Variants in ARNT2 observed in about 807,000 individuals in gnomAD.
ARNT2 encodes aryl hydrocarbon receptor nuclear translocator 2.
Under a neutral mutation model 91.7 loss-of-function variants are expected in ARNT2, and 36 were observed. The ratio of observed to expected loss-of-function variants is 0.39; its 90% confidence interval spans 0.30 to 0.52. ARNT2 has a LOEUF of 0.52. ARNT2 is among the 20% of genes least tolerant of loss of function. ARNT2 has a pLI of 0.72. For missense variants in ARNT2, 775 were observed against 939.3 expected (o/e 0.83, Z 2.29); for synonymous variants, 365 against 347.1 (o/e 1.05, Z -0.57).
At chr15:80,539,263 G>C (rs1047559812) in intron 8 of ARNT2, among the ~76,000 whole-genome samples, 1 of 152,020 alleles carries the variant, frequency 6.6e-6, no homozygotes, top group Non-Finnish European at 1.5e-5. Flanking sequence ...TAAATACAAT[G>C]CTAGCAAATC....
chr15:80,470,556 C>T (rs951111569), intron 4 of ARNT2, 125 bp downstream of exon 4: 24 of 1,082,232 alleles, frequency 2.2e-5, no homozygotes, highest in Middle Eastern at 3.1e-4. Flanking sequence ...TGTTTTGTTT[C>T]CATTTTTCTC....
At chr15:80,426,359 C>T (rs894324646) in intron 1 of ARNT2, among the ~76,000 whole-genome samples, 1 of 152,216 alleles carries the variant, frequency 6.6e-6, no homozygotes, top group African/African-American at 2.4e-5. Flanking sequence ...ACACCATGGT[C>T]CTGTTGGTCC....
At chr15:80,465,705 C>T (rs1896642965) in intron 3 of ARNT2, among the ~76,000 whole-genome samples, 3 of 152,198 alleles carry the variant, frequency 2.0e-5, no homozygotes, top group Non-Finnish European at 2.9e-5. Context: ...CACACCTGAT[C>T]ACCCTGACAT....
chr15:80,529,591 G>A (rs1897702685), intron 8 of ARNT2, among the ~76,000 whole-genome samples: 1 of 150,934 alleles, frequency 6.6e-6, no homozygotes, highest in Non-Finnish European at 1.5e-5. Context: ...AGTGAATGTA[G>A]TATAGGTCAG....
At chr15:80,417,716 G>A (rs1018115787) in intron 1 of ARNT2, among the ~76,000 whole-genome samples, 2 of 151,672 alleles carry the variant, frequency 1.3e-5, no homozygotes, top group Admixed American at 6.6e-5. Flanking sequence ...AGGTGGAAAT[G>A]TTTGGTCTAC....
At chr15:80,565,672 G>T (rs1404218933) in intron 12 of ARNT2, among the ~76,000 whole-genome samples, 3 of 151,484 alleles carry the variant, frequency 2.0e-5, no homozygotes, top group Non-Finnish European at 4.4e-5. Flanking sequence ...GGCTGTTTCT[G>T]TGTCTTCTTT....
intron 18 of ARNT2, 130 bp from the exon 19 acceptor site, chr15:80,593,470 G>A (rs910341642): frequency 1.5e-6 from 1 of 669,510 alleles, no homozygotes; most frequent in Non-Finnish European, 2.5e-6. Flanking sequence ...GCAGAAGGCT[G>A]GGGAGGACCT....
intron 5 of ARNT2, among the ~76,000 whole-genome samples, chr15:80,491,951 G>A (rs1431228792): frequency 6.6e-6 from 1 of 151,008 alleles, no homozygotes; most frequent in Non-Finnish European, 1.5e-5. Context: ...CTACTGAATT[G>A]CCTTTGCACA....
rs1893366360 is a variant in ARNT2, at chr15:80,595,817, T to G, written c.*2119T>G. On this transcript the variant is annotated 3_prime_UTR_variant, in exon 19 of 19. Coordinates refer to ENST00000303329, the MANE Select transcript of ARNT2 (RefSeq NM_014862.4). ...AGAATGGGCCTTTCTCTGCCTGCCC[T>G]GCCCTTGGGGCCACCTCTGCCTCCA... 6.6e-6 allele frequency: 1 copy of G among 152,232 alleles called. No individual in the cohort carries two copies. The highest frequency in any genetic ancestry group is 2.1e-4 in the South Asian group (1 of 4,836). 9.4% of individuals were successfully genotyped at this position (152,232 alleles called of 1,614,324 possible). A position where few individuals can be genotyped will look rare whatever the true frequency, so the allele number is the denominator to read the frequency against.
chr15:80,421,386 G>A, intron 1 of ARNT2, among the ~76,000 whole-genome samples: 1 of 105,870 alleles, frequency 9.4e-6, no homozygotes, highest in South Asian at 3.9e-4. Context: ...TACCCCTAAA[G>A]CTATTGAAAT....
rs141280333 is a variant in ARNT2, at chr15:80,493,353, G to C, written c.623-14803G>C. On this transcript the variant is annotated intron_variant, in intron 5 of 18. Coordinates refer to ENST00000303329, the MANE Select transcript of ARNT2 (RefSeq NM_014862.4). ...CACATTCAAACCACAGCAAGTGGCG[G>C]GGGGTGGGGGTGGGGGATTTGTTCT... is the stretch of plus-strand genomic sequence containing the variant. 1.6e-3 allele frequency among the ~76,000 whole-genome samples: 250 copies of C among 152,030 alleles called. 1 individual carries two copies. Among genetic ancestry groups the C allele is most frequent in the African/African-American group, 5.8e-3 (242 of 41,438 alleles).
chr15:80,514,155 A>AT lies in ARNT2; in HGVS notation c.792-161dup, dbSNP rs368158168. 5.5e-3 allele frequency among the ~76,000 whole-genome samples: 830 copies of AT among 152,276 alleles called. 9 individuals are homozygous for AT. The highest frequency in any genetic ancestry group is 0.019 in the African/African-American group (804 of 41,560). On this transcript the variant is annotated intron_variant, in intron 7 of 18. Transcript: ENST00000303329. Reference sequence around the variant, plus strand: ...GGGAGTTGGGTGGAATTTATTTTTGATTTTCAGACCATGTGGGAGGAAGGA... The same window carrying AT: ...GGGAGTTGGGTGGAATTTATTTTTGATTTTTCAGACCATGTGGGAGGAAGGA...
intron 5 of ARNT2, among the ~76,000 whole-genome samples, chr15:80,502,094 C>T (rs757351590): frequency 7.2e-5 from 11 of 152,198 alleles, no homozygotes; most frequent in Non-Finnish European, 4.4e-5. Flanking sequence ...CAGGGAAGCT[C>T]ATAGCTCTGT....
intron 11 of ARNT2, among the ~76,000 whole-genome samples, chr15:80,559,732 G>A (rs1169173030): frequency 1.3e-5 from 2 of 152,178 alleles, no homozygotes; most frequent in African/African-American, 4.8e-5. Context: ...CTGTGAAAGT[G>A]AAAGCAGCCT....
chr15:80,414,059 T>C (rs1442963460), intron 1 of ARNT2, among the ~76,000 whole-genome samples: 1 of 152,218 alleles, frequency 6.6e-6, no homozygotes, highest in Non-Finnish European at 1.5e-5. Context: ...GGTGCACCAA[T>C]TTTTAAATTA....
At chr15:80,453,627 T>A (rs1034197833) in intron 2 of ARNT2, among the ~76,000 whole-genome samples, 1 of 152,196 alleles carries the variant, frequency 6.6e-6, no homozygotes, top group Non-Finnish European at 1.5e-5. Flanking sequence ...CTGATGGAAG[T>A]CACTCACTCT....
chr15:80,577,170 C>T (rs1021000068), intron 15 of ARNT2, among the ~76,000 whole-genome samples: 5 of 152,208 alleles, frequency 3.3e-5, no homozygotes, highest in African/African-American at 1.2e-4. Flanking sequence ...GTGTCAGTTA[C>T]TCTTTCTTGG....
In ARNT2 at chr15:80,537,857, C is replaced by A. The variant is rs1047838074; in HGVS notation, c.878-13342C>A. On this transcript the variant is annotated intron_variant, in intron 8 of 18. Coordinates refer to ENST00000303329, the MANE Select transcript of ARNT2 (RefSeq NM_014862.4). ...TTTATAACAGTGCTTCAAAATGTGACCATATTTGGAAATAGGGTCTTTTTG... is the reference window on the plus strand; with the variant it reads ...TTTATAACAGTGCTTCAAAATGTGAACATATTTGGAAATAGGGTCTTTTTG... Among the ~76,000 whole-genome samples the A allele has an allele frequency of 1.8e-4, 28 of 152,166 alleles. 1 individual carries two copies. The highest frequency in any genetic ancestry group is 5.9e-5 in the Non-Finnish European group (4 of 68,034).
intron 1 of ARNT2, among the ~76,000 whole-genome samples, chr15:80,430,887 C>A (rs951177592): frequency 1.3e-5 from 2 of 152,080 alleles, no homozygotes; most frequent in African/African-American, 4.8e-5. Context: ...AGTGGACTAA[C>A]CTATGATCTT....
Sources: allele counts gnomAD v4.1 joint callset (sites outside exome capture counted in the v4.1 genomes callset), GRCh38; gene constraint gnomAD v4.1.1; transcripts MANE v1.5; gene names NCBI Gene and HGNC (gene_info 2026-07-23, HGNC 2026-07-21).